RTN4: variants seen among roughly 807,000 people sequenced by gnomAD.
The protein encoded by RTN4 is reticulon-4.
Under a neutral mutation model 90.4 loss-of-function variants are expected in RTN4, and 32 were observed. That is an observed-to-expected ratio of 0.35 (90% CI 0.27 to 0.48). The LOEUF (loss-of-function observed/expected upper bound fraction) is 0.48, where lower values mean the gene tolerates loss of function less well. RTN4 is among the 20% of genes least tolerant of loss of function. RTN4 has a pLI of 0.99. For synonymous variants in RTN4, 629 were observed against 552.5 expected, an observed-to-expected ratio of 1.14 and a Z score of -1.94; for missense variants, 1,706 against 1,430.2, an observed-to-expected ratio of 1.19 and a Z score of -3.11.
At position 55,049,908 on chromosome 2, in the gene RTN4, G is replaced by A; in HGVS notation, c.393C>T (p.Ser131=). The A allele has an allele frequency of 7.5e-7, 1 of 1,332,112 alleles. No individual in the cohort carries two copies. The highest frequency in any genetic ancestry group is 9.6e-7 in the Non-Finnish European group (1 of 1,046,760). 82.5% of individuals were successfully genotyped at this position (1,332,112 alleles called of 1,614,324 possible). ...SPLSAAAVSP[S]KLPEDDEPPA... is the part of the protein sequence containing the mutation. ...GAGGCTCGTCGTCCTCAGGGAGCTT[G>A]GAGGGCGAGACTGCGGCAGCAGACA... Residue 131 remains serine (S), a synonymous_variant, in exon 1 of 9, where the codon TCC becomes TCT. Transcript: ENST00000337526.
chr2:55,061,907 C>T (rs1668301099), intron 2 of RTN4, among the ~76,000 whole-genome samples: 1 of 152,116 alleles, frequency 6.6e-6, no homozygotes, highest in Non-Finnish European at 1.5e-5. Flanking sequence ...CATCCTGTGC[C>T]TATAAAAACC....
At chr2:54,987,292 G>A (rs1267606981) in intron 4 of RTN4, among the ~76,000 whole-genome samples, 199 bp downstream of exon 4, 1 of 152,190 alleles carries the variant, frequency 6.6e-6, no homozygotes, top group African/African-American at 2.4e-5. Context: ...TACATAAACA[G>A]TCTCCTCCAT....
In RTN4 at chr2:54,993,487, G is replaced by C. The variant is rs192176914; in HGVS notation, c.3014-5789C>G. Among the ~76,000 whole-genome samples the C allele has an allele frequency of 9.7e-4, 148 of 152,302 alleles. 1 individual carries two copies. Among genetic ancestry groups the C allele is most frequent in the African/African-American group, 3.2e-3 (132 of 41,548 alleles). ...AATTTTCCCAAAGTTAATGATACCA[G>C]AATAGTCATGTATAAGGCCCAGCAG... is the stretch of plus-strand genomic sequence containing the variant. On this transcript the variant is annotated intron_variant, in intron 3 of 8. Transcript: ENST00000337526.
chr2:55,099,656 A>G (rs1355647506), intron 1 of RTN4, among the ~76,000 whole-genome samples: 1 of 152,082 alleles, frequency 6.6e-6, no homozygotes, highest in Non-Finnish European at 1.5e-5. Flanking sequence ...ACTAGTGGCT[A>G]AAAGTGCAGG....
At position 54,982,501 on chromosome 2, in the gene RTN4, C is replaced by T. The variant is rs200842560; in HGVS notation, c.3360+14G>A. On this transcript the variant is annotated intron_variant, in intron 5 of 8. Transcript: ENST00000337526. ...TTCTGGGTATATCAAAAATGAAAGG[C>T]AAAATAAACTTACCTTCAGAGAATC... is the stretch of plus-strand genomic sequence containing the variant. The T allele has an allele frequency of 2.1e-5, 34 of 1,601,414 alleles. No homozygotes were observed. Among genetic ancestry groups the T allele is most frequent in the Non-Finnish European group, 2.7e-5 (32 of 1,176,036 alleles).
intron 3 of RTN4, among the ~76,000 whole-genome samples, chr2:55,020,555 AG>A (rs1681353565): frequency 6.6e-6 from 1 of 152,152 alleles, no homozygotes; most frequent in African/African-American, 2.4e-5. Flanking sequence ...TTGTAAATGG[AG>A]GGGGAGGAAG....
chr2:55,133,791 T>G, the RTN4 span, among the ~76,000 whole-genome samples: 4 of 152,108 alleles, frequency 2.6e-5, no homozygotes, highest in African/African-American at 9.7e-5. Context: ...TGTCAAGATG[T>G]CACAGGGTGA....
chr2:55,132,260 T>C, the RTN4 span, among the ~76,000 whole-genome samples: 1 of 152,170 alleles, frequency 6.6e-6, no homozygotes, highest in African/African-American at 2.4e-5. Flanking sequence ...CCCAGCACTT[T>C]GGGAGGCTGA....
upstream of RTN4, among the ~76,000 whole-genome samples, chr2:55,052,206 A>G (rs943486244): frequency 6.6e-6 from 1 of 152,192 alleles, no homozygotes; most frequent in South Asian, 2.1e-4. Context: ...AATGTAGACT[A>G]TTGACTTTAG....
At chr2:55,018,346 A>T (rs1681191268) in intron 3 of RTN4, among the ~76,000 whole-genome samples, 1 of 152,202 alleles carries the variant, frequency 6.6e-6, no homozygotes, top group South Asian at 2.1e-4. Context: ...AACTGAAACA[A>T]ATGAAGCTAA....
intron 3 of RTN4, among the ~76,000 whole-genome samples, chr2:54,999,056 G>A (rs1679664827): frequency 6.6e-6 from 1 of 152,138 alleles, no homozygotes; most frequent in South Asian, 2.1e-4. Context: ...TTGGGGGAAT[G>A]CTTATGAATT....
At chr2:55,051,660 G>C (rs904682871), upstream of RTN4, among the ~76,000 whole-genome samples, 2 of 152,196 alleles carry the variant, frequency 1.3e-5, no homozygotes, top group African/African-American at 2.4e-5. Context: ...GACAGGTACT[G>C]GCTACTTGTG....
At position 54,987,961 on chromosome 2, in the gene RTN4, C is replaced by G. The variant is rs1025356483; in HGVS notation, c.3014-263G>C. ...GCATAACCAAATCATTCTAGCCATA[C>G]ACAATGATTAAATGTCTCCAAAGCC... On this transcript the variant is annotated intron_variant, in intron 3 of 8. Coordinates refer to ENST00000337526, the MANE Select transcript of RTN4 (RefSeq NM_020532.5). 1.3e-4 allele frequency among the ~76,000 whole-genome samples: 20 copies of G among 152,292 alleles called. 1 individual carries two copies. Among genetic ancestry groups the G allele is most frequent in the African/African-American group, 4.8e-4 (20 of 41,556 alleles).
intron 5 of RTN4, among the ~76,000 whole-genome samples, chr2:54,977,988 T>C (rs2588519): frequency 0.68 from 103,954 of 152,098 alleles, 35,646 homozygotes; most frequent in Middle Eastern, 0.76. Flanking sequence ...CCCTGGAGTT[T>C]GGTTATTTTT....
chr2:55,020,803 G>A (rs1369262550), intron 3 of RTN4, among the ~76,000 whole-genome samples: 1 of 152,064 alleles, frequency 6.6e-6, no homozygotes, highest in Non-Finnish European at 1.5e-5. Context: ...GAACACAGGA[G>A]TTTGAGACCA....
chr2:55,135,158 T>C, the RTN4 span, among the ~76,000 whole-genome samples: 2 of 152,120 alleles, frequency 1.3e-5, no homozygotes, highest in Non-Finnish European at 2.9e-5. Context: ...AAATAATAGT[T>C]TTAAAATCTC....
chr2:55,123,648 TTATTA>T, the RTN4 span, among the ~76,000 whole-genome samples: 103 of 151,956 alleles, frequency 6.8e-4, no homozygotes, highest in South Asian at 0.012. Context: ...TAATTATCAC[TTATTA>T]TATTATATTA....
chr2:55,046,090 T>C (rs1683403422), intron 1 of RTN4, among the ~76,000 whole-genome samples: 1 of 152,246 alleles, frequency 6.6e-6, no homozygotes, highest in Non-Finnish European at 1.5e-5. Flanking sequence ...TACTCATAAA[T>C]AACGTAAACA....
At chr2:54,997,276 T>C (rs1207434011) in intron 3 of RTN4, among the ~76,000 whole-genome samples, 1 of 152,158 alleles carries the variant, frequency 6.6e-6, no homozygotes, top group East Asian at 1.9e-4. Flanking sequence ...ATTTAGTCAT[T>C]ATAAAAATGC....
Sources: gnomAD v4.1 joint callset for allele counts (sites outside exome capture counted in the v4.1 genomes callset) on GRCh38, gnomAD v4.1.1 for gene constraint, MANE v1.5 for transcripts, NCBI Gene and HGNC (gene_info 2026-07-23, HGNC 2026-07-21) for gene names.